The following ZNF385D variants were observed in gnomAD, a reference collection of about 807,000 sequenced individuals.
The protein encoded by ZNF385D is zinc finger protein 659.
A neutral mutation model predicts 35.8 loss-of-function variants in ZNF385D; 15 were observed. That is an observed-to-expected ratio of 0.42 (90% CI 0.28 to 0.64). The LOEUF (loss-of-function observed/expected upper bound fraction) is 0.64. ZNF385D is among the 30% of genes least tolerant of loss of function. ZNF385D has a pLI of 0.23. For synonymous variants in ZNF385D, 212 were observed against 186.8 expected (o/e 1.13, Z -1.10); for missense variants, 474 against 494.6 (o/e 0.96, Z 0.39).
chr3:22,080,018 T>A (rs1399724413), intron 3 of ZNF385D, among the ~76,000 whole-genome samples: 3 of 152,026 alleles, frequency 2.0e-5, no homozygotes, highest in African/African-American at 4.8e-5. Flanking sequence ...AATATCAAAG[T>A]TGTTACACTT....
At chr3:21,438,746 C>T (rs1048760566) in intron 4 of ZNF385D, among the ~76,000 whole-genome samples, 2 of 152,064 alleles carry the variant, frequency 1.3e-5, no homozygotes, top group Non-Finnish European at 2.9e-5. Flanking sequence ...GAACATTCAC[C>T]TGCCAAGTTT....
At chr3:21,683,505 C>A (rs2125320383) in intron 1 of ZNF385D, among the ~76,000 whole-genome samples, 1 of 149,440 alleles carries the variant, frequency 6.7e-6, no homozygotes, top group Admixed American at 6.7e-5. Context: ...GTAGTCCCAG[C>A]TACTCGAAGG....
chr3:21,688,676 G>A (rs2067185818), intron 1 of ZNF385D, among the ~76,000 whole-genome samples: 1 of 152,028 alleles, frequency 6.6e-6, no homozygotes, highest in Non-Finnish European at 1.5e-5. Flanking sequence ...ATAAACTATT[G>A]CTGTCTGATG....
intron 3 of ZNF385D, among the ~76,000 whole-genome samples, chr3:21,999,593 T>C (rs895113603): frequency 1.3e-5 from 2 of 152,160 alleles, no homozygotes; most frequent in Non-Finnish European, 2.9e-5. Context: ...GTTCTACTTC[T>C]CATTTTTGAA....
rs1018204327 is a variant in ZNF385D at position 22,079,761 on chromosome 3, T to C, written c.325+89056A>G. Among the ~76,000 whole-genome samples the C allele has an allele frequency of 2.6e-5, 4 of 152,026 alleles. 1 individual carries two copies. Among genetic ancestry groups the C allele is most frequent in the Admixed American group, 6.6e-5 (1 of 15,236 alleles). ...TTTTTTCCTTTGGTTTTTAAAATTA[T>C]AGCAAATAGTATATCTAATGAGAAA... On this transcript the variant is annotated intron_variant, in intron 3 of 5. Coordinates refer to the ZNF385D transcript ENST00000494108.
intron 2 of ZNF385D, among the ~76,000 whole-genome samples, chr3:21,587,741 T>C (rs1472030842): frequency 1.3e-5 from 2 of 152,094 alleles, no homozygotes; most frequent in Admixed American, 1.3e-4. Flanking sequence ...TGAGTAACGT[T>C]AGAAGAAACA....
intron 3 of ZNF385D, among the ~76,000 whole-genome samples, chr3:21,536,701 A>G (rs542537861): frequency 6.6e-6 from 1 of 152,228 alleles, no homozygotes; most frequent in South Asian, 2.1e-4. Flanking sequence ...TGGGCAATAT[A>G]CATAATAAAT....
intron 1 of ZNF385D, among the ~76,000 whole-genome samples, chr3:21,730,506 AAAT>A (rs1245020847): frequency 3.3e-5 from 5 of 152,360 alleles, no homozygotes; most frequent in Admixed American, 2.0e-4. Flanking sequence ...GATGAGAAAA[AAAT>A]AATAATAATT....
At chr3:21,701,134 C>G (rs905025244) in intron 1 of ZNF385D, among the ~76,000 whole-genome samples, 1 of 152,148 alleles carries the variant, frequency 6.6e-6, no homozygotes, top group African/African-American at 2.4e-5. Context: ...TCTACCAAAC[C>G]TTCTGTGAGA....
intron 1 of ZNF385D, among the ~76,000 whole-genome samples, chr3:21,745,488 C>A (rs534716987): frequency 2.8e-4 from 42 of 152,320 alleles, no homozygotes; most frequent in South Asian, 1.0e-3. Flanking sequence ...TGCGACAGAG[C>A]AAAGCATCTT....
At chr3:21,757,131 T>TG (rs1559591159) in intron 3 of ZNF385D, among the ~76,000 whole-genome samples, 6 of 130,942 alleles carry the variant, frequency 4.6e-5, no homozygotes, top group South Asian at 5.4e-4. Context: ...TTTTTTTTTT[T>TG]TTTTTTTTGT....
intron 4 of ZNF385D, among the ~76,000 whole-genome samples, chr3:21,458,625 C>A (rs1413546874): frequency 1.3e-5 from 2 of 151,974 alleles, no homozygotes; most frequent in Admixed American, 1.3e-4. Context: ...TAAAAAGGGA[C>A]AAAGCCATGG....
chr3:21,759,391 A>AGGGGGGAGGG (rs2070499315), intron 3 of ZNF385D, among the ~76,000 whole-genome samples: 3 of 147,536 alleles, frequency 2.0e-5, no homozygotes, highest in African/African-American at 8.1e-5. Context: ...ATCTTCAAGC[A>AGGGGGGAGGG]ATGTAAGGTT....
chr3:22,319,120 ATATAAG>A (rs1021366049), intron 2 of ZNF385D, among the ~76,000 whole-genome samples: 2 of 152,172 alleles, frequency 1.3e-5, no homozygotes, highest in African/African-American at 4.8e-5. Context: ...AAGCCGCCCA[ATATAAG>A]TATCTTAAAA....
intron 3 of ZNF385D, among the ~76,000 whole-genome samples, chr3:21,910,613 T>C (rs1234703778): frequency 6.6e-6 from 1 of 151,918 alleles, no homozygotes; most frequent in Non-Finnish European, 1.5e-5. Context: ...CAGAGACCTA[T>C]AATCGTTGTA....
chr3:21,479,088 T>A (rs1704430804), intron 4 of ZNF385D, among the ~76,000 whole-genome samples: 1 of 151,262 alleles, frequency 6.6e-6, no homozygotes, highest in African/African-American at 2.4e-5. Context: ...TTATTTCAGA[T>A]AAAAACATAA....
intron 3 of ZNF385D, among the ~76,000 whole-genome samples, chr3:21,529,046 A>T (rs890434011): frequency 3.9e-5 from 6 of 152,208 alleles, no homozygotes; most frequent in African/African-American, 1.4e-4. Context: ...TGGACTAAAC[A>T]AAATCACTTT....
At chr3:21,631,813 G>A (rs2065289516) in intron 2 of ZNF385D, among the ~76,000 whole-genome samples, 1 of 152,008 alleles carries the variant, frequency 6.6e-6, no homozygotes, top group Non-Finnish European at 1.5e-5. Flanking sequence ...ATGAGCACTG[G>A]GATAAAGCTC....
chr3:22,310,691 G>T (rs1359843639), intron 2 of ZNF385D, among the ~76,000 whole-genome samples: 1 of 151,716 alleles, frequency 6.6e-6, no homozygotes, highest in Non-Finnish European at 1.5e-5. Context: ...GTTATCACTA[G>T]GAATATTTCC....
Sources: allele counts gnomAD v4.1 joint callset (sites outside exome capture counted in the v4.1 genomes callset), GRCh38; gene constraint gnomAD v4.1.1; transcripts MANE v1.5; gene names NCBI Gene and HGNC (gene_info 2026-07-23, HGNC 2026-07-21).